The following AKAP6 variants were observed in gnomAD, a reference collection of about 807,000 sequenced individuals.
AKAP6 encodes the protein A-kinase anchor protein 6.
AKAP6 carries 58 observed loss-of-function variants against 188.5 expected under a neutral mutation model. The ratio of observed to expected loss-of-function variants is 0.31; its 90% CI spans 0.25 to 0.38. The LOEUF (loss-of-function observed/expected upper bound fraction) is 0.38. Ranked by LOEUF, AKAP6 falls within the 10% of genes least tolerant of loss-of-function variation. The pLI is 1.00. For synonymous variants in AKAP6, 989 were observed against 998.6 expected, an observed-to-expected ratio of 0.99 and a Z score of 0.18; for missense variants, 2,710 against 2,740.0, an observed-to-expected ratio of 0.99 and a Z score of 0.24.
chr14:32,456,883 G>GA (rs1250718354), intron 2 of AKAP6, among the ~76,000 whole-genome samples: 1 of 152,142 alleles, frequency 6.6e-6, no homozygotes, highest in Non-Finnish European at 1.5e-5. Flanking sequence ...TAATTTATAT[G>GA]AAAAAATCAA....
intron 3 of AKAP6, among the ~76,000 whole-genome samples, chr14:32,543,742 A>C (rs1883066823): frequency 6.6e-6 from 1 of 152,226 alleles, no homozygotes; most frequent in Non-Finnish European, 1.5e-5. Context: ...GCCAGTTTAA[A>C]GTAATATCTA....
intron 2 of AKAP6, among the ~76,000 whole-genome samples, chr14:32,510,390 A>G (rs1443525659): frequency 2.4e-4 from 15 of 61,374 alleles, no homozygotes; most frequent in East Asian, 1.0e-3. Context: ...GTATATATAT[A>G]TGTGTATATA....
intron 11 of AKAP6, among the ~76,000 whole-genome samples, chr14:32,759,486 C>G (rs2032462747): frequency 6.6e-6 from 1 of 152,136 alleles, no homozygotes; most frequent in Admixed American, 6.5e-5. Context: ...AGACCACCAG[C>G]AAAAGAGCCA....
chr14:32,685,839 G>C (rs1178991389), intron 8 of AKAP6, among the ~76,000 whole-genome samples: 4 of 152,092 alleles, frequency 2.6e-5, no homozygotes, highest in African/African-American at 9.7e-5. Context: ...ACACTTGGTG[G>C]GAATCTAAAT....
intron 11 of AKAP6, among the ~76,000 whole-genome samples, chr14:32,756,726 G>C (rs1316652461): frequency 6.6e-6 from 1 of 152,162 alleles, no homozygotes; most frequent in Non-Finnish European, 1.5e-5. Flanking sequence ...GGCCTCCAAG[G>C]CTGGTTCCCC....
intron 1 of AKAP6, among the ~76,000 whole-genome samples, chr14:32,352,679 GCTTA>G (rs1211271112): frequency 1.3e-5 from 2 of 152,068 alleles, no homozygotes; most frequent in Non-Finnish European, 2.9e-5. Flanking sequence ...TATGAGTTTG[GCTTA>G]CTTCACTTAA....
chr14:32,582,716 C>A (rs1334999695), intron 5 of AKAP6, among the ~76,000 whole-genome samples: 1 of 152,048 alleles, frequency 6.6e-6, no homozygotes, highest in Non-Finnish European at 1.5e-5. Context: ...CTAAACTTCC[C>A]TTCTCGCTTC....
At chr14:32,353,859 T>C (rs1444533532) in intron 1 of AKAP6, among the ~76,000 whole-genome samples, 1 of 152,062 alleles carries the variant, frequency 6.6e-6, no homozygotes, top group Non-Finnish European at 1.5e-5. Flanking sequence ...CCATTCACAA[T>C]TGCTTCAAAG....
chr14:32,769,260 C>G (rs1405155599), intron 11 of AKAP6, among the ~76,000 whole-genome samples: 2 of 151,336 alleles, frequency 1.3e-5, no homozygotes, highest in Admixed American at 1.3e-4. Context: ...GTTGGATAGG[C>G]TGGTCTTGAA....
chr14:32,431,017 A>G (rs928697717), intron 1 of AKAP6, among the ~76,000 whole-genome samples: 1 of 151,994 alleles, frequency 6.6e-6, no homozygotes, highest in African/African-American at 2.4e-5. Context: ...AGGCAGGAGA[A>G]TGGCGTGAAC....
intron 7 of AKAP6, among the ~76,000 whole-genome samples, chr14:32,619,683 G>T (rs754381095): frequency 6.6e-6 from 1 of 151,816 alleles, no homozygotes; most frequent in Non-Finnish European, 1.5e-5. Context: ...TTGAATTTTA[G>T]GATTTTTTCT....
chr14:32,479,170 C>T (rs76871373), intron 2 of AKAP6, among the ~76,000 whole-genome samples: 1,738 of 152,208 alleles, frequency 0.011, 15 homozygotes, highest in East Asian at 0.026. Flanking sequence ...TCCTTGATTA[C>T]ATGACTGATA....
At chr14:32,763,889 C>T (rs2032620713) in intron 11 of AKAP6, among the ~76,000 whole-genome samples, 1 of 152,102 alleles carries the variant, frequency 6.6e-6, no homozygotes, top group Non-Finnish European at 1.5e-5. Context: ...AGTCATTATT[C>T]ATACTTCATT....
At position 32,537,184 on chromosome 14, in the gene AKAP6, C is replaced by T. The variant is rs191073258; in HGVS notation, c.576+1379C>T. ...AAGTTTCTTGCTGTGGCAAACTCTC[C>T]GCAGTGCCTAGAAGTCTATAGGAAT... On this transcript the variant is annotated intron_variant, in intron 3 of 13. Transcript: ENST00000280979. Among the ~76,000 whole-genome samples, 19 of 152,238 alleles carry T rather than the reference C, an allele frequency of 1.2e-4. No homozygotes were observed. In the East Asian group the frequency reaches 2.9e-3, roughly 23 times the overall value.
intron 4 of AKAP6, among the ~76,000 whole-genome samples, chr14:32,574,325 T>C (rs1312355280): frequency 1.3e-5 from 2 of 152,154 alleles, no homozygotes. Context: ...TTCCCCTATA[T>C]CAGACAGCCT....
intron 7 of AKAP6, chr14:32,616,962 G>C (rs1019109503): frequency 6.6e-6 from 1 of 152,142 alleles, no homozygotes; most frequent in African/African-American, 2.4e-5. Flanking sequence ...TGTCCCCTGC[G>C]ACTTTTGTAG....
intron 1 of AKAP6, among the ~76,000 whole-genome samples, chr14:32,385,320 G>T (rs1181085235): frequency 6.6e-6 from 1 of 151,944 alleles, no homozygotes; most frequent in African/African-American, 2.4e-5. Flanking sequence ...TCTTTTGATG[G>T]CATTGGTTTG....
At chr14:32,668,993 C>A (rs1025847222) in intron 7 of AKAP6, among the ~76,000 whole-genome samples, 2 of 152,112 alleles carry the variant, frequency 1.3e-5, no homozygotes, top group African/African-American at 4.8e-5. Flanking sequence ...AACATTCCAA[C>A]AAACTTAGTA....
chr14:32,552,937 G>T (rs189706835), intron 4 of AKAP6, among the ~76,000 whole-genome samples: 1 of 152,168 alleles, frequency 6.6e-6, no homozygotes, highest in Admixed American at 6.5e-5. Flanking sequence ...GGAAAGTGGA[G>T]TCCATTAACT....
Sources: gnomAD v4.1 joint callset for allele counts (sites outside exome capture counted in the v4.1 genomes callset) on GRCh38, gnomAD v4.1.1 for gene constraint, MANE v1.5 for transcripts, NCBI Gene and HGNC (gene_info 2026-07-23, HGNC 2026-07-21) for gene names.